The following CENPI variants were observed in gnomAD, a reference collection of about 807,000 sequenced individuals.
CENPI encodes the protein FSH primary response 1.
In CENPI, 4 loss-of-function variants were observed where a neutral mutation model predicts 60.4. That is an observed-to-expected ratio of 0.07 (90% confidence interval 0.03 to 0.15). The LOEUF is 0.15. CENPI is among the 10% of genes least tolerant of loss of function. The pLI, the probability that CENPI is intolerant of heterozygous loss-of-function variation, is 1.00. For synonymous variants in CENPI, 157 were observed against 189.4 expected (o/e 0.83, Z 1.40); for missense variants, 444 against 534.5 (o/e 0.83, Z 1.67).
chrX:101,147,563 C>T (rs2089972835), intron 18 of CENPI, among the ~76,000 whole-genome samples, 200 bp from the exon 19 acceptor site: 1 of 111,795 alleles, frequency 8.9e-6, no homozygotes, highest in Admixed American at 9.6e-5. Context: ...AAGTGTACAA[C>T]TTATTGAGCC....
rs889444459 is a variant in CENPI at position 101,101,173 on chromosome X, G to T, written c.103G>T (p.Asp35Tyr). 7 of 1,209,321 alleles carry T rather than the reference G, an allele frequency of 5.8e-6. No individual in the cohort carries two copies. The highest frequency in any genetic ancestry group is 7.8e-6 in the Non-Finnish European group (7 of 893,436). Residue 35 changes from aspartate (D) to tyrosine (Y), a missense_variant, in exon 3 of 22, where the codon GAT (aspartate) becomes TAT (tyrosine). Transcript: ENST00000682095. ...TTLSAWKVKQDPSNSKNISKH... is the reference protein window; with the variant it reads ...TTLSAWKVKQYPSNSKNISKH... ...GCTTTCAGCCTGGAAAGTAAAACAG[G>T]ATCCAAGCAACTCGAAGAACATCTC... is the stretch of plus-strand genomic sequence containing the variant.
At position 101,145,093 on chromosome X, in the gene CENPI, C is replaced by T; in HGVS notation, c.1595C>T (p.Ser532Phe). The change falls in exon 17 of 22, where the codon TCT (serine) becomes TTT (phenylalanine). Residue 532 changes from serine (S) to phenylalanine (F), a missense_variant. By Grantham distance (155) the Ser-to-Phe change is radical. Transcript: ENST00000682095. ...ACAACTTTGGGTGGATCCATGAACT[C>T]TGTGTCTAAACTGATCCACTATGTA... ...LETTLGGSMNSVSKLIHYVGW... is the reference protein window; with the variant it reads ...LETTLGGSMNFVSKLIHYVGW... 8.3e-7 allele frequency: 1 copy of T among 1,203,921 alleles called. No homozygotes were observed. Among genetic ancestry groups the T allele is most frequent in the Non-Finnish European group, 1.1e-6 (1 of 890,265 alleles).
At chrX:101,102,516 C>CACACACATACACACACAT in intron 4 of CENPI, 105 bp downstream of exon 4, 1 of 212,004 alleles carries the variant, frequency 4.7e-6, no homozygotes, top group Non-Finnish European at 8.2e-6. Context: ...CACACACACA[C>CACACACATACACACACAT]ATATATATAT....
intron 6 of CENPI, among the ~76,000 whole-genome samples, chrX:101,112,385 C>T (rs771608263): frequency 8.9e-6 from 1 of 111,858 alleles, no homozygotes; most frequent in African/African-American, 3.2e-5. Context: ...GTTCTAAATT[C>T]ATACATGGAT....
At chrX:101,125,891 A>G (rs1158683804) in intron 8 of CENPI, among the ~76,000 whole-genome samples, 1 of 111,963 alleles carries the variant, frequency 8.9e-6, no homozygotes, top group African/African-American at 3.2e-5. Context: ...GTATTCTCTA[A>G]AAAGCATTCT....
Position 101,140,756 on chromosome X carries a change from C to T in CENPI, c.1561C>T (p.Pro521Ser). ...TCACATGAAACCTGTTACAAACAGT[C>T]CTCTGTGAGTTATCTAACGGTCTTC... is the stretch of plus-strand genomic sequence containing the variant. ...DIHMKPVTNS[P>S]LETTLGGSMN... Residue 521 changes from proline (P) to serine (S), a missense_variant, in exon 16 of 22, where the codon CCT becomes TCT. By Grantham distance (74) the Pro-to-Ser change is moderately conservative (BLOSUM62 -1). Transcript: ENST00000682095. The T allele has an allele frequency of 8.6e-7, 1 of 1,156,303 alleles. No homozygotes were observed. Among genetic ancestry groups the T allele is most frequent in the South Asian group, 1.8e-5 (1 of 55,535 alleles).
chrX:101,154,705 A>G (rs1170035580), intron 20 of CENPI, among the ~76,000 whole-genome samples: 1 of 111,882 alleles, frequency 8.9e-6, no homozygotes, highest in African/African-American at 3.2e-5. Context: ...CATGAACATC[A>G]TATGTCATTC....
At chrX:101,153,920 A>G (rs966800657) in intron 20 of CENPI, among the ~76,000 whole-genome samples, 1 of 111,659 alleles carries the variant, frequency 9.0e-6, no homozygotes, top group African/African-American at 3.2e-5. Context: ...TTTTAAATCA[A>G]TTTTATCTCT....
downstream of CENPI, among the ~76,000 whole-genome samples, chrX:101,168,761 C>A (rs1314749756): frequency 9.0e-6 from 1 of 111,573 alleles, no homozygotes; most frequent in African/African-American, 3.3e-5. Flanking sequence ...GAATGGACTT[C>A]ACAGGATTAG....
intron 6 of CENPI, among the ~76,000 whole-genome samples, chrX:101,118,642 T>C (rs1240718141): frequency 8.9e-6 from 1 of 111,889 alleles, no homozygotes; most frequent in Admixed American, 9.5e-5. Context: ...AGAAAGGCAA[T>C]TGTAAAATGA....
intron 15 of CENPI, among the ~76,000 whole-genome samples, chrX:101,139,971 A>G (rs1457429622): frequency 9.1e-6 from 1 of 109,932 alleles, no homozygotes; most frequent in Non-Finnish European, 1.9e-5. Context: ...AGTAGTTGGG[A>G]CTACAGGCGC....
intron 11 of CENPI, 36 bp from the exon 12 acceptor site, chrX:101,128,680 A>G (rs756579747): frequency 8.4e-7 from 1 of 1,187,824 alleles, no homozygotes; most frequent in Non-Finnish European, 1.1e-6. Flanking sequence ...CACTTTTCAG[A>G]TACTTAACTG....
Position 101,140,127 on chromosome X carries a change from C to T in CENPI, c.1471-539C>T, listed in dbSNP as rs190903486. On this transcript the variant is annotated intron_variant, in intron 15 of 21. Coordinates refer to ENST00000682095, the MANE Select transcript of CENPI (RefSeq NM_001386188.2). The stretch of plus-strand genomic sequence containing the variant: ...CTGGGATTACAGGCGTGAGCCACCG[C>T]ACCCAGCCCATCATTGTATGTTTTT... Among the ~76,000 whole-genome samples the T allele has an allele frequency of 1.1e-3, 127 of 112,332 alleles. 1 individual carries two copies. Among genetic ancestry groups the T allele is most frequent in the South Asian group, 8.1e-3 (22 of 2,718 alleles).
At chrX:101,178,433 A>G in the CENPI span, among the ~76,000 whole-genome samples, 1 of 33,882 alleles carries the variant, frequency 3.0e-5, no homozygotes, top group Non-Finnish European at 5.7e-5. Context: ...TTTGAGACAG[A>G]GAGTTTTGCT....
chrX:101,100,987 C>T (rs763890747), intron 2 of CENPI, 71 bp from the exon 3 acceptor site: 8 of 688,363 alleles, frequency 1.2e-5, no homozygotes, highest in South Asian at 2.5e-5. Context: ...ACTGGAAACA[C>T]ACCCTGTCTC....
At chrX:101,145,246 C>A in intron 17 of CENPI, 47 bp downstream of exon 17, 1 of 1,046,301 alleles carries the variant, frequency 9.6e-7, no homozygotes, top group Non-Finnish European at 1.3e-6. Context: ...TGAAGGCTAT[C>A]CACTTTATTG....
In CENPI at chrX:101,102,369, G is replaced by A. The variant is rs755640134; in HGVS notation, c.322G>A (p.Glu108Lys). Residue 108 changes from glutamate to lysine, a missense_variant, in exon 4 of 22, where the codon GAA (glutamate) becomes AAA (lysine). Transcript: ENST00000682095. ...VAWKNGLASE[E>K]IDILLNIALS... ...TTGGAAGAATGGGTTAGCTTCAGAAGAAATTGATATTCTATTAAATATTGC... is the reference window on the plus strand; with the variant it reads ...TTGGAAGAATGGGTTAGCTTCAGAAAAAATTGATATTCTATTAAATATTGC... 1 of 1,192,737 alleles carries A rather than the reference G, an allele frequency of 8.4e-7. No individual in the cohort carries two copies. The highest frequency in any genetic ancestry group is 1.1e-6 in the Non-Finnish European group (1 of 884,433).
intron 6 of CENPI, among the ~76,000 whole-genome samples, chrX:101,111,412 C>T (rs2089551965): frequency 9.0e-6 from 1 of 110,567 alleles, no homozygotes; most frequent in African/African-American, 3.3e-5. Flanking sequence ...ACTTTGTTCA[C>T]CTTAGCGTTG....
At chrX:101,168,317 G>A (rs948528297), downstream of CENPI, among the ~76,000 whole-genome samples, 6 of 112,527 alleles carry the variant, frequency 5.3e-5, no homozygotes, top group African/African-American at 1.9e-4. Context: ...TGTAATCCCA[G>A]CATTTTGGGA....
Sources: allele counts gnomAD v4.1 joint callset (sites outside exome capture counted in the v4.1 genomes callset), GRCh38; gene constraint gnomAD v4.1.1; transcripts MANE v1.5; gene names NCBI Gene and HGNC (gene_info 2026-07-23, HGNC 2026-07-21).